Variants in ANKS1A observed in about 807,000 individuals in gnomAD.
The protein encoded by ANKS1A is ankyrin repeat and SAM domain-containing protein 1A.
In ANKS1A, 55 loss-of-function variants were observed where a neutral mutation model predicts 120.3. The observed-to-expected ratio is 0.46, with a 90% CI of 0.37 to 0.57. ANKS1A has a LOEUF of 0.57. ANKS1A is among the 20% of genes least tolerant of loss of function. The pLI is 0.00. For missense variants in ANKS1A, 1,123 were observed against 1,480.3 expected, an observed-to-expected ratio of 0.76 and a Z score of 3.96; for synonymous variants, 590 against 604.7, an observed-to-expected ratio of 0.98 and a Z score of 0.36.
At position 35,058,453 on chromosome 6, in the gene ANKS1A, C is replaced by T. The variant is rs951828925; in HGVS notation, c.2078-1694C>T. 6.6e-6 allele frequency: 1 copy of T among 152,386 alleles called. No homozygotes were observed. Among genetic ancestry groups the T allele is most frequent in the East Asian group, 1.9e-4 (1 of 5,184 alleles). 9.4% of individuals were successfully genotyped at this position (152,386 alleles called of 1,614,324 possible). ...AGGGCAGGGGAGCTCAAGTATCCCC[C>T]AGACTCGGCATCTTGGAGCGCTGCG... On this transcript the variant is annotated intron_variant, in intron 12 of 23. Coordinates refer to ENST00000360359, the MANE Select transcript of ANKS1A (RefSeq NM_015245.3). The surrounding 1 kb of genome is among the most constrained non-coding windows in gnomAD (Gnocchi z 5.1).
intron 7 of ANKS1A, 146 bp from the exon 8 acceptor site, chr6:34,984,936 G>A: frequency 3.0e-6 from 2 of 677,662 alleles, no homozygotes; most frequent in East Asian, 5.5e-5. Flanking sequence ...ACGTATTCTT[G>A]TCCATGGAAC....
At chr6:34,893,080 C>G (rs1332868750) in intron 1 of ANKS1A, among the ~76,000 whole-genome samples, 1 of 152,168 alleles carries the variant, frequency 6.6e-6, no homozygotes, top group Non-Finnish European at 1.5e-5. Context: ...TGACTAGCTG[C>G]TTGACATTAT....
At chr6:34,960,242 A>G (rs908558205) in intron 1 of ANKS1A, among the ~76,000 whole-genome samples, 2 of 152,048 alleles carry the variant, frequency 1.3e-5, no homozygotes, top group African/African-American at 2.4e-5. Flanking sequence ...CCTTATCTCA[A>G]ATATCACTCA....
At chr6:34,932,290 A>G (rs1342353043) in intron 1 of ANKS1A, among the ~76,000 whole-genome samples, 2 of 152,160 alleles carry the variant, frequency 1.3e-5, no homozygotes, top group African/African-American at 2.4e-5. Context: ...GGTTCAAGCA[A>G]TTCTCCTGCC....
intron 9 of ANKS1A, among the ~76,000 whole-genome samples, chr6:34,991,667 T>C (rs1230772040): frequency 8.3e-5 from 3 of 36,184 alleles, no homozygotes; most frequent in African/African-American, 1.7e-4. Flanking sequence ...TACACATATA[T>C]ATACACATAT....
intron 1 of ANKS1A, among the ~76,000 whole-genome samples, chr6:34,915,405 T>G (rs999623986): frequency 1.3e-4 from 20 of 152,166 alleles, no homozygotes; most frequent in Admixed American, 2.6e-4. Flanking sequence ...TTGTTGTTGT[T>G]TTGTTTTTTA....
intron 10 of ANKS1A, among the ~76,000 whole-genome samples, chr6:35,015,651 T>C (rs776557701): frequency 6.6e-6 from 1 of 152,214 alleles, no homozygotes; most frequent in Non-Finnish European, 1.5e-5. Flanking sequence ...CTGTGGAGAC[T>C]GAACTGCTCT....
intron 10 of ANKS1A, among the ~76,000 whole-genome samples, chr6:35,010,438 A>G (rs1773701716): frequency 6.6e-6 from 1 of 152,206 alleles, no homozygotes; most frequent in Admixed American, 6.5e-5. Context: ...ATGGGAAGGA[A>G]GAAAGGGGAG....
intron 9 of ANKS1A, among the ~76,000 whole-genome samples, chr6:34,994,012 C>T (rs1772714276): frequency 6.6e-6 from 1 of 152,092 alleles, no homozygotes; most frequent in African/African-American, 2.4e-5. Flanking sequence ...TGTTCTGTCA[C>T]CCAGGCTGGA....
intron 1 of ANKS1A, among the ~76,000 whole-genome samples, chr6:34,942,742 G>A (rs1234667123): frequency 6.6e-6 from 1 of 151,692 alleles, no homozygotes; most frequent in Non-Finnish European, 1.5e-5. Flanking sequence ...TCTGTCATTG[G>A]TATTTACTCT....
chr6:34,953,548 G>A (rs1770194126), intron 1 of ANKS1A, among the ~76,000 whole-genome samples: 1 of 152,172 alleles, frequency 6.6e-6, no homozygotes, highest in South Asian at 2.1e-4. Context: ...TGTTTGCAAT[G>A]CCCTTGCTTC....
rs544357163 is a variant in ANKS1A, at chr6:34,923,835, A to G, written c.197+34236A>G. 2.0e-5 allele frequency among the ~76,000 whole-genome samples: 3 copies of G among 152,290 alleles called. No individual in the cohort carries two copies. The East Asian group carries it at 5.8e-4, about 29-fold the overall frequency. On this transcript the variant is annotated intron_variant, in intron 1 of 23. Coordinates refer to ENST00000360359, the MANE Select transcript of ANKS1A (RefSeq NM_015245.3). ...TTTCTAAGTGCATGTATTGTGCCCA[A>G]TATCTGGCTCATTGCTCAGGACCGC...
Position 35,079,841 on chromosome 6 carries a change from C to G in ANKS1A, c.2457C>G (p.Leu819=). The G allele has an allele frequency of 6.3e-7, 1 of 1,575,232 alleles. No homozygotes were observed. The highest frequency in any genetic ancestry group is 8.6e-7 in the Non-Finnish European group (1 of 1,160,330). Residue 819 remains leucine (L), a synonymous_variant, in exon 16 of 24, where the codon CTC becomes CTG. Coordinates refer to ENST00000360359, the MANE Select transcript of ANKS1A (RefSeq NM_015245.3). Reference sequence around the variant, plus strand: ...CCCAGGTCCTGAAGGTCCAGCTGCTCGGCCATCGCAAGCGCATCATCGCCT... The same window carrying G: ...CCCAGGTCCTGAAGGTCCAGCTGCTGGGCCATCGCAAGCGCATCATCGCCT... ...ELVNVLKVQL[L]GHRKRIIASL...
At chr6:34,962,255 A>G (rs1446182510) in intron 1 of ANKS1A, among the ~76,000 whole-genome samples, 1 of 152,186 alleles carries the variant, frequency 6.6e-6, no homozygotes, top group Admixed American at 6.5e-5. Context: ...GGGTATCACG[A>G]TGTCCCTCAG....
At chr6:35,072,687 A>AACAGTGTCCCTTCCCCGAGAGGTGGAG (rs1777140789) in intron 13 of ANKS1A, among the ~76,000 whole-genome samples, 1 of 152,190 alleles carries the variant, frequency 6.6e-6, no homozygotes, top group Non-Finnish European at 1.5e-5. Context: ...CAGTTAAAGG[A>AACAGTGTCCCTTCCCCGAGAGGTGGAG]ACAGTGTCCC....
At chr6:34,975,551 G>A (rs1771527734) in intron 3 of ANKS1A, among the ~76,000 whole-genome samples, 1 of 151,996 alleles carries the variant, frequency 6.6e-6, no homozygotes, top group South Asian at 2.1e-4. Context: ...TTGAGCCCAG[G>A]AATTTGGGAC....
intron 23 of ANKS1A, 114 bp from the exon 24 acceptor site, chr6:35,088,492 G>C (rs377335108): frequency 2.9e-6 from 4 of 1,381,206 alleles, no homozygotes; most frequent in Non-Finnish European, 4.1e-6. Flanking sequence ...AGGGTGCCCC[G>C]GGGAGGCTGT....
intron 1 of ANKS1A, among the ~76,000 whole-genome samples, chr6:34,958,684 C>T (rs1273810512): frequency 6.6e-6 from 1 of 152,200 alleles, no homozygotes; most frequent in African/African-American, 2.4e-5. Flanking sequence ...ATTCACCATC[C>T]TTCCACTTGT....
chr6:34,993,223 T>C (rs1269327037), intron 9 of ANKS1A, among the ~76,000 whole-genome samples: 1 of 152,248 alleles, frequency 6.6e-6, no homozygotes, highest in Non-Finnish European at 1.5e-5. Context: ...TTTGGATTCT[T>C]AGGACAACTG....
Sources: gnomAD v4.1 joint callset for allele counts (sites outside exome capture counted in the v4.1 genomes callset) on GRCh38, gnomAD v4.1.1 for gene constraint, Gnocchi (gnomAD v3.1) non-coding constraint, MANE v1.5 for transcripts, NCBI Gene and HGNC (gene_info 2026-07-23, HGNC 2026-07-21) for gene names.